The following ARHGEF2 variants were observed in gnomAD, a reference collection of about 807,000 sequenced individuals.
The protein encoded by ARHGEF2 is Rho/Rac guanine nucleotide exchange factor 2, also known as rho guanine nucleotide exchange factor 2.
Under a neutral mutation model 121.0 loss-of-function variants are expected in ARHGEF2, and 22 were observed. That is an observed-to-expected ratio of 0.18 (90% CI 0.13 to 0.26). The LOEUF (loss-of-function observed/expected upper bound fraction) is 0.26, where lower values mean the gene tolerates loss of function less well. Ranked by LOEUF, ARHGEF2 falls within the 10% of genes least tolerant of loss-of-function variation. ARHGEF2 has a pLI of 1.00. For missense variants in ARHGEF2, 907 were observed against 1,336.0 expected (o/e 0.68, Z 5.01); for synonymous variants, 487 against 530.0 (o/e 0.92, Z 1.11).
Position 155,950,303 on chromosome 1 carries a change from T to A in ARHGEF2, c.2883A>T (p.Pro961=). 1 of 1,612,490 alleles carries A rather than the reference T, an allele frequency of 6.2e-7. No individual in the cohort carries two copies. Among genetic ancestry groups the A allele is most frequent in the Non-Finnish European group, 8.5e-7 (1 of 1,179,948 alleles). Residue 961 remains proline, a synonymous_variant, in exon 21 of 22, where the codon CCA becomes CCT. Transcript: ENST00000361247. The surrounding 1 kb of genome is among the most constrained non-coding windows in gnomAD (Gnocchi z 5.2). The part of the protein sequence containing the change: ...GSSRLSPPHS[P]RDFTRMQDIP... Reference sequence around the variant, plus strand: ...ATGTCTCCGCCAGGGTCTCACCTCGTGGACTGTGGGGCGGAGACAGACGGC... The same window carrying A: ...ATGTCTCCGCCAGGGTCTCACCTCGAGGACTGTGGGGCGGAGACAGACGGC...
At position 155,947,547 on chromosome 1, in the gene ARHGEF2, A is replaced by C. The variant is rs1010759857; in HGVS notation, c.*395T>G. On this transcript the variant is annotated 3_prime_UTR_variant, in exon 22 of 22. Coordinates refer to ENST00000361247, the MANE Select transcript of ARHGEF2 (RefSeq NM_001162383.2). ...GGGAGGGCCGTTAGGGCAAGAACCC[A>C]GCAGCTGCGTGGATGAGCCTGAATA... 9.9e-6 allele frequency: 4 copies of C among 405,502 alleles called. No individual in the cohort carries two copies. Among genetic ancestry groups the C allele is most frequent in the African/African-American group, 2.1e-5 (1 of 48,478 alleles). 25.1% of individuals were successfully genotyped at this position (405,502 alleles called of 1,614,324 possible).
chr1:155,951,686 C>G lies in ARHGEF2; in HGVS notation c.2208+55G>C, dbSNP rs369956173. The G allele has an allele frequency of 1.3e-4, 206 of 1,613,138 alleles. 1 individual carries two copies. Among genetic ancestry groups the G allele is most frequent in the Admixed American group, 1.8e-4 (11 of 59,986 alleles). On this transcript the variant is annotated intron_variant, in intron 18 of 21. Transcript: ENST00000361247. The surrounding 1 kb of genome is among the most constrained non-coding windows in gnomAD (Gnocchi z 5.1). ...CCCACTCCAAACTGGGCTCTAACTA[C>G]TCAGACTAAGAACATCCTCCCTTCA...
In ARHGEF2 at chr1:155,950,836, G is replaced by A. The variant is rs1675284671; in HGVS notation, c.2696C>T (p.Pro899Leu). 8 of 1,523,458 alleles carry A rather than the reference G, an allele frequency of 5.3e-6. No individual in the cohort carries two copies. Among genetic ancestry groups the A allele is most frequent in the South Asian group, 2.6e-5 (2 of 76,338 alleles). The allele number at this position is 1,523,458 out of a possible 1,614,324, so 94.4% of individuals were successfully genotyped here. A position where few individuals can be genotyped will look rare whatever the true frequency, so the allele number is the denominator to read the frequency against. The stretch of plus-strand genomic sequence containing the variant: ...CACTGCAGGCCACCTTACCTGTGGG[G>A]GGTTGAAACTCAAGTACAGGGCATC... ...AGDALYLSFN[P>L]PQPSRGTDRL... Residue 899 changes from proline (P) to leucine (L), a missense_variant, in exon 20 of 22, where the codon CCC (proline) becomes CTC (leucine). By Grantham distance (98) the Pro-to-Leu change is moderately conservative. This residue lies in a region of ARHGEF2 where 432 missense variants were observed against 559.5 expected (regional missense o/e 0.77). Transcript: ENST00000361247. The surrounding 1 kb of genome is among the most constrained non-coding windows in gnomAD (Gnocchi z 5.2).
Position 155,962,925 on chromosome 1 carries a change from T to C in ARHGEF2, c.975+8A>G, listed in dbSNP as rs144569552. The stretch of plus-strand genomic sequence containing the variant: ...TGAATGTCACCCAGGGGTCCTGCCT[T>C]TTCCCACCTGGCTGATGAGCAGATC... On this transcript the variant is annotated splice_region_variant and intron_variant, in intron 8 of 21. Transcript: ENST00000361247. The surrounding 1 kb of genome is among the most constrained non-coding windows in gnomAD (Gnocchi z 5.8). 1.9e-6 allele frequency: 3 copies of C among 1,614,044 alleles called. No individual in the cohort carries two copies. The highest frequency in any genetic ancestry group is 2.5e-6 in the Non-Finnish European group (3 of 1,179,942).
intron 21 of ARHGEF2, among the ~76,000 whole-genome samples, chr1:155,949,101 A>C (rs890185532): frequency 5.3e-5 from 8 of 151,740 alleles, no homozygotes; most frequent in Non-Finnish European, 8.8e-5. Context: ...ATACAAAAAA[A>C]ATTAGCCAGG....
In ARHGEF2 at chr1:155,978,163, C is replaced by T; in HGVS notation, c.63+202G>A. 9.2e-6 allele frequency: 12 copies of T among 1,302,842 alleles called. No homozygotes were observed. The highest frequency in any genetic ancestry group is 1.1e-5 in the Non-Finnish European group (11 of 1,020,264). The allele number at this position is 1,302,842 out of a possible 1,614,324, so 80.7% of individuals were successfully genotyped here. On this transcript the variant is annotated intron_variant, in intron 1 of 21. Coordinates refer to ENST00000361247, the MANE Select transcript of ARHGEF2 (RefSeq NM_001162383.2). This position sits in a 1 kb window ranked among gnomAD's most constrained non-coding sequence, Gnocchi z 4.1. Reference sequence around the variant, plus strand: ...GCTCCGCTCCCTCCCGGGATCCCAGCACCGTCGCGTCTGCCGCTCCCCCCA... The same window carrying T: ...GCTCCGCTCCCTCCCGGGATCCCAGTACCGTCGCGTCTGCCGCTCCCCCCA...
rs554396866 is a variant in ARHGEF2, at chr1:155,950,769, T to A, written c.2703+60A>T. 6.7e-7 allele frequency: 1 copy of A among 1,486,080 alleles called. No homozygotes were observed. The highest frequency in any genetic ancestry group is 1.4e-5 in the South Asian group (1 of 73,328). 92.1% of individuals were successfully genotyped at this position (1,486,080 alleles called of 1,614,324 possible). A position where few individuals can be genotyped will look rare whatever the true frequency, so the allele number is the denominator to read the frequency against. On this transcript the variant is annotated intron_variant, in intron 20 of 21. Coordinates refer to ENST00000361247, the MANE Select transcript of ARHGEF2 (RefSeq NM_001162383.2). This position sits in a 1 kb window ranked among gnomAD's most constrained non-coding sequence, Gnocchi z 5.2. ...CAAATCCCCAATGGCCCAATTTCTTTCGGGCTCCATGGACCCTTATGTCCA... is the reference window on the plus strand; with the variant it reads ...CAAATCCCCAATGGCCCAATTTCTTACGGGCTCCATGGACCCTTATGTCCA...
chr1:155,953,265 C>A (rs80001716), intron 14 of ARHGEF2, among the ~76,000 whole-genome samples: 162 of 133,780 alleles, frequency 1.2e-3, no homozygotes, highest in Middle Eastern at 3.7e-3. Context: ...GACTCTGTCT[C>A]AAAAAAAAAA....
intron 7 of ARHGEF2, among the ~76,000 whole-genome samples, chr1:155,964,195 TATACATATATATATATATATA>T (rs1678830064): frequency 8.2e-6 from 1 of 121,424 alleles, no homozygotes; most frequent in African/African-American, 3.3e-5. Context: ...TATATATATA[TATACATATATATATATATATA>T]TTTTTTTTTT....
Position 155,951,615 on chromosome 1 carries a change from G to T in ARHGEF2, c.2209-82C>A, listed in dbSNP as rs1675472768. On this transcript the variant is annotated intron_variant, in intron 18 of 21. Coordinates refer to ENST00000361247, the MANE Select transcript of ARHGEF2 (RefSeq NM_001162383.2). This position sits in a 1 kb window ranked among gnomAD's most constrained non-coding sequence, Gnocchi z 5.1. The stretch of plus-strand genomic sequence containing the variant: ...AAAGTTGAACAAGGGTGGGTGTGGG[G>T]ACAGTAGGATCCGGAGACATACTTG... The T allele has an allele frequency of 6.2e-7, 1 of 1,607,582 alleles. No homozygotes were observed. Among genetic ancestry groups the T allele is most frequent in the Non-Finnish European group, 8.5e-7 (1 of 1,174,288 alleles).
rs1678000160 is a variant in ARHGEF2, at chr1:155,961,841, C to T, written c.1288G>A (p.Asp430Asn). 1 of 1,614,120 alleles carries T rather than the reference C, an allele frequency of 6.2e-7. No homozygotes were observed. The highest frequency in any genetic ancestry group is 8.5e-7 in the Non-Finnish European group (1 of 1,180,052). The change falls in exon 11 of 22, where the codon GAC becomes AAC. Residue 430 changes from aspartate to asparagine, a missense_variant. Asp to Asn is a conservative substitution (Grantham distance 23, BLOSUM62 1). Transcript: ENST00000361247. The surrounding 1 kb of genome is among the most constrained non-coding windows in gnomAD (Gnocchi z 4.7). The part of the protein sequence containing the change: ...GLVKELLSNV[D>N]EGIYQLEKGA... The stretch of plus-strand genomic sequence containing the variant: ...TTCTCCAGCTGATAAATACCCTCGT[C>T]CACATTGGACAGCAGCTCCTTCACT...
intron 2 of ARHGEF2, among the ~76,000 whole-genome samples, chr1:155,967,973 G>A (rs1272324940): frequency 6.6e-6 from 1 of 151,328 alleles, no homozygotes; most frequent in Non-Finnish European, 1.5e-5. Context: ...CCCCCCTGGA[G>A]CTCCCTTCTC....
chr1:155,951,754 C>A lies in ARHGEF2; in HGVS notation c.2195G>T (p.Arg732Ile). The A allele has an allele frequency of 6.2e-7, 1 of 1,614,106 alleles. No individual in the cohort carries two copies. The highest frequency in any genetic ancestry group is 8.5e-7 in the Non-Finnish European group (1 of 1,180,036). Reference sequence around the variant, plus strand: ...TTCCCATCTCACCTCTTGCGGTGATCTCAGCTGATTTCCATTTCGATCCTG... The same window carrying A: ...TTCCCATCTCACCTCTTGCGGTGATATCAGCTGATTTCCATTTCGATCCTG... ...SQRDRNGNQLRSPQEEALQRL... is the reference protein window; with the variant it reads ...SQRDRNGNQLISPQEEALQRL... The change falls in exon 18 of 22, where the codon AGA becomes ATA. Residue 732 changes from arginine to isoleucine, a missense_variant. By Grantham distance (97) the Arg-to-Ile change is moderately conservative. Transcript: ENST00000361247. This position sits in a 1 kb window ranked among gnomAD's most constrained non-coding sequence, Gnocchi z 5.1.
At chr1:155,949,215 T>TG (rs1316214825) in intron 21 of ARHGEF2, among the ~76,000 whole-genome samples, 1 of 151,644 alleles carries the variant, frequency 6.6e-6, no homozygotes, top group African/African-American at 2.4e-5. Flanking sequence ...ATTGTGCCAC[T>TG]GCACTCCAGC....
At chr1:155,968,960 T>A (rs1272106007) in intron 2 of ARHGEF2, 196 bp downstream of exon 2, 1 of 634,710 alleles carries the variant, frequency 1.6e-6, no homozygotes. Context: ...GTCCGGCTTA[T>A]GCCATATTCC....
Position 155,951,240 on chromosome 1 carries a change from T to C in ARHGEF2, c.2292A>G (p.Glu764=), listed in dbSNP as rs1316219552. 8 of 1,610,424 alleles carry C rather than the reference T, an allele frequency of 5.0e-6. No individual in the cohort carries two copies. The highest frequency in any genetic ancestry group is 6.8e-6 in the Non-Finnish European group (8 of 1,178,210). The change falls in exon 20 of 22, where the codon GAA becomes GAG. Residue 764 remains glutamate, a synonymous_variant. Coordinates refer to ENST00000361247, the MANE Select transcript of ARHGEF2 (RefSeq NM_001162383.2). This position sits in a 1 kb window ranked among gnomAD's most constrained non-coding sequence, Gnocchi z 5.1. Reference sequence around the variant, plus strand: ...GCTCAGGGCCCTCAGGGAACCGGGCTTCCATCAGAGTGTCCTGCTGGGCCA... The same window carrying C: ...GCTCAGGGCCCTCAGGGAACCGGGCCTCCATCAGAGTGTCCTGCTGGGCCA... ...AAVAQQDTLM[E]ARFPEGPERR...
Position 155,962,303 on chromosome 1 carries a change from G to T in ARHGEF2, c.1102-81C>A. The stretch of plus-strand genomic sequence containing the variant: ...GGGCCTGAGCTCTGGTGCTGGCCCT[G>T]GCGTGGCCATTTACCTCATGCTTGC... On this transcript the variant is annotated intron_variant, in intron 9 of 21. Coordinates refer to ENST00000361247, the MANE Select transcript of ARHGEF2 (RefSeq NM_001162383.2). This position sits in a 1 kb window ranked among gnomAD's most constrained non-coding sequence, Gnocchi z 5.8. The T allele has an allele frequency of 7.1e-7, 1 of 1,418,078 alleles. No individual in the cohort carries two copies. Among genetic ancestry groups the T allele is most frequent in the Non-Finnish European group, 9.8e-7 (1 of 1,018,934 alleles). 87.8% of individuals were successfully genotyped at this position (1,418,078 alleles called of 1,614,324 possible). A position where few individuals can be genotyped will look rare whatever the true frequency, so the allele number is the denominator to read the frequency against.
chr1:155,952,405 G>A (rs900966820), intron 15 of ARHGEF2, among the ~76,000 whole-genome samples, 170 bp from the exon 16 acceptor site: 1 of 152,232 alleles, frequency 6.6e-6, no homozygotes, highest in Non-Finnish European at 1.5e-5. Context: ...AAATGCCTAC[G>A]AGGCAGCAGA....
In ARHGEF2 at chr1:155,963,133, G is replaced by A. The variant is rs571802370; in HGVS notation, c.775C>T (p.Arg259Cys). The A allele has an allele frequency of 1.4e-5, 22 of 1,613,502 alleles. No individual in the cohort carries two copies. The highest frequency in any genetic ancestry group is 4.4e-5 in the South Asian group (4 of 91,068). Residue 259 changes from arginine (R) to cysteine (C), a missense_variant, in exon 8 of 22, where the codon CGC (arginine) becomes TGC (cysteine). By Grantham distance (180) the Arg-to-Cys change is radical. Coordinates refer to ENST00000361247, the MANE Select transcript of ARHGEF2 (RefSeq NM_001162383.2). ...TCCAGCATCCCCGTGCGGAAGAGGC[G>A]GGTCATGATCTTCAGTGTCCTCACA... ...HHVRTLKIMT[R>C]LFRTGMLEEL...
Sources: gnomAD v4.1 joint callset for allele counts (sites outside exome capture counted in the v4.1 genomes callset) on GRCh38, gnomAD v4.1.1 for gene constraint, gnomAD v4.1.1 regional missense constraint, Gnocchi (gnomAD v3.1) non-coding constraint, MANE v1.5 for transcripts, NCBI Gene and HGNC (gene_info 2026-07-23, HGNC 2026-07-21) for gene names.